The following DACH2 variants were observed in gnomAD, a reference collection of about 807,000 sequenced individuals.
The protein encoded by DACH2 is dachshund homolog 2.
A neutral mutation model predicts 35.8 loss-of-function variants in DACH2; 17 were observed. The observed-to-expected ratio is 0.48, with a 90% CI of 0.33 to 0.71. DACH2 has a LOEUF of 0.71. DACH2 is among the 30% of genes least tolerant of loss of function. The pLI is 0.02. For missense variants in DACH2, 469 were observed against 472.7 expected, an observed-to-expected ratio of 0.99 and a Z score of 0.07; for synonymous variants, 195 against 177.3, an observed-to-expected ratio of 1.10 and a Z score of -0.79.
In DACH2 at chrX:86,589,620, C is replaced by T. The variant is rs765033844; in HGVS notation, c.641-61416C>T. Among the ~76,000 whole-genome samples, 857 of 111,313 alleles carry T rather than the reference C, an allele frequency of 7.7e-3. 8 individuals carry two copies. The highest frequency in any genetic ancestry group is 0.027 in the African/African-American group (814 of 30,701). On this transcript the variant is annotated intron_variant, in intron 3 of 11. Transcript: ENST00000373125. ...ATGTGTTGTAGAGTTCTATAGTTTT[C>T]ACAAATGTATAATATCATGTATTTA...
chrX:86,393,038 A>T lies in DACH2; in HGVS notation c.527+16176A>T, dbSNP rs142344313. Among the ~76,000 whole-genome samples, 466 of 110,784 alleles carry T rather than the reference A, an allele frequency of 4.2e-3. 1 individual carries two copies. The highest frequency in any genetic ancestry group is 0.014 in the African/African-American group (432 of 30,435). On this transcript the variant is annotated intron_variant, in intron 2 of 11. Coordinates refer to ENST00000373125, the MANE Select transcript of DACH2 (RefSeq NM_053281.3). The stretch of plus-strand genomic sequence containing the variant: ...CAGTACAGTTCCCATAAAGTGGAGA[A>T]TTATCCAGCCTAAGATGTCAATAGT...
rs139353265 is a variant in DACH2, at chrX:86,539,137, G to A, written c.640+24746G>A. Among the ~76,000 whole-genome samples the A allele has an allele frequency of 3.3e-3, 370 of 111,060 alleles. 4 individuals are homozygous for A. The highest frequency in any genetic ancestry group is 4.6e-3 in the Middle Eastern group (1 of 217). ...GGAGGGACCCGGCTGGAGATGATTAGATCATGGGAGTGGTTTCCCCCTTGC... is the reference window on the plus strand; with the variant it reads ...GGAGGGACCCGGCTGGAGATGATTAAATCATGGGAGTGGTTTCCCCCTTGC... On this transcript the variant is annotated intron_variant, in intron 3 of 11. Transcript: ENST00000373125.
chrX:86,775,938 T>C (rs1345239347), intron 7 of DACH2, among the ~76,000 whole-genome samples: 1 of 111,658 alleles, frequency 9.0e-6, no homozygotes, highest in Admixed American at 9.6e-5. Context: ...TTAAAGATGA[T>C]AAAACTGTGG....
At chrX:86,702,664 A>G (rs2041157356) in intron 5 of DACH2, among the ~76,000 whole-genome samples, 1 of 111,755 alleles carries the variant, frequency 8.9e-6, no homozygotes, top group Non-Finnish European at 1.9e-5. Context: ...CACACAAACT[A>G]GAAAACCTAG....
chrX:86,765,156 T>C (rs896984400), intron 7 of DACH2, among the ~76,000 whole-genome samples: 2 of 111,701 alleles, frequency 1.8e-5, no homozygotes, highest in Non-Finnish European at 3.8e-5. Flanking sequence ...TTTGTGAATA[T>C]TTTTCCCCTT....
intron 3 of DACH2, among the ~76,000 whole-genome samples, chrX:86,630,777 G>C (rs753390361): frequency 9.1e-4 from 100 of 109,317 alleles, no homozygotes; most frequent in African/African-American, 3.0e-3. Context: ...TGCAACTTCC[G>C]CCTCCTGGGT....
chrX:86,507,339 A>G (rs890795293), intron 2 of DACH2, among the ~76,000 whole-genome samples: 8 of 111,111 alleles, frequency 7.2e-5, no homozygotes, highest in African/African-American at 2.3e-4. Context: ...TTCATTTATC[A>G]GGCATGGAAA....
chrX:86,508,177 T>A (rs2038351054), intron 2 of DACH2, among the ~76,000 whole-genome samples: 1 of 111,955 alleles, frequency 8.9e-6, no homozygotes, highest in Admixed American at 9.5e-5. Flanking sequence ...AACTCAAGAA[T>A]AACTTTGTTT....
intron 3 of DACH2, among the ~76,000 whole-genome samples, chrX:86,578,212 C>T (rs933472994): frequency 1.1e-4 from 12 of 111,079 alleles, no homozygotes; most frequent in Non-Finnish European, 2.3e-4. Flanking sequence ...GGAAATTCAG[C>T]TGGTGTCACT....
chrX:86,511,828 C>T (rs1436722075), intron 2 of DACH2, among the ~76,000 whole-genome samples: 1 of 111,601 alleles, frequency 9.0e-6, no homozygotes, highest in African/African-American at 3.3e-5. Context: ...TATCCATAGC[C>T]TTCTTTACCC....
intron 2 of DACH2, among the ~76,000 whole-genome samples, chrX:86,457,530 C>T (rs2037496900): frequency 8.9e-6 from 1 of 112,119 alleles, no homozygotes; most frequent in African/African-American, 3.2e-5. Context: ...TATTAATTTG[C>T]TAATTCACAA....
intron 1 of DACH2, among the ~76,000 whole-genome samples, chrX:86,341,894 T>C (rs1265052121): frequency 8.9e-6 from 1 of 111,858 alleles, no homozygotes; most frequent in African/African-American, 3.3e-5. Context: ...TGTGAATGAA[T>C]TGCTGCAATC....
intron 3 of DACH2, among the ~76,000 whole-genome samples, chrX:86,597,291 A>G (rs975952099): frequency 2.7e-5 from 3 of 111,942 alleles, no homozygotes; most frequent in African/African-American, 9.7e-5. Flanking sequence ...CTTCATTTTT[A>G]GTGTAGTATT....
intron 4 of DACH2, among the ~76,000 whole-genome samples, chrX:86,659,561 C>T (rs769188808): frequency 2.2e-4 from 24 of 111,423 alleles, no homozygotes; most frequent in Admixed American, 2.0e-3. Context: ...CTCCTGTCCC[C>T]AACTATGCTA....
chrX:86,758,572 C>T (rs1232237890), intron 7 of DACH2, among the ~76,000 whole-genome samples: 1 of 111,142 alleles, frequency 9.0e-6, no homozygotes, highest in Admixed American at 9.6e-5. Context: ...AGTTTTAATC[C>T]ATTGTGGTTT....
At chrX:86,314,507 G>T (rs2034860053) in intron 1 of DACH2, among the ~76,000 whole-genome samples, 1 of 110,980 alleles carries the variant, frequency 9.0e-6, no homozygotes, top group Admixed American at 9.7e-5. Flanking sequence ...TACACATCAA[G>T]ACTCTGTGTG....
chrX:86,465,921 C>T (rs1050272329), intron 2 of DACH2, among the ~76,000 whole-genome samples: 2 of 111,593 alleles, frequency 1.8e-5, no homozygotes, highest in Non-Finnish European at 3.8e-5. Flanking sequence ...TTTTTCATAG[C>T]TGTACAATCG....
chrX:86,587,093 C>T (rs774596836), intron 3 of DACH2, among the ~76,000 whole-genome samples: 3 of 111,602 alleles, frequency 2.7e-5, no homozygotes, highest in African/African-American at 9.7e-5. Flanking sequence ...TTTCTTTGAG[C>T]AGTGTTTTGT....
intron 3 of DACH2, among the ~76,000 whole-genome samples, chrX:86,526,349 C>T (rs1019705198): frequency 2.7e-5 from 3 of 111,407 alleles, no homozygotes; most frequent in Non-Finnish European, 5.7e-5. Flanking sequence ...ACCTAGAACT[C>T]ACCTTTTAAA....
Sources: gnomAD v4.1 joint callset for allele counts (sites outside exome capture counted in the v4.1 genomes callset) on GRCh38, gnomAD v4.1.1 for gene constraint, MANE v1.5 for transcripts, NCBI Gene and HGNC (gene_info 2026-07-23, HGNC 2026-07-21) for gene names.